Variants in GRAMD1C observed in about 807,000 individuals in gnomAD.
GRAMD1C encodes GRAM domain containing 1C.
In GRAMD1C, 89 loss-of-function variants were observed where a neutral mutation model predicts 97.8. The observed-to-expected ratio is 0.91, with a 90% confidence interval of 0.77 to 1.09. GRAMD1C has a LOEUF of 1.09. GRAMD1C is among the 50% of genes least tolerant of loss of function. The pLI, the probability that GRAMD1C is intolerant of heterozygous loss-of-function variation, is 0.00. For synonymous variants in GRAMD1C, 256 were observed against 267.0 expected (o/e 0.96, Z 0.40); for missense variants, 740 against 766.4 (o/e 0.97, Z 0.41).
intron 2 of GRAMD1C, among the ~76,000 whole-genome samples, chr3:113,860,045 G>A (rs923620989): frequency 1.3e-5 from 2 of 151,350 alleles, no homozygotes; most frequent in African/African-American, 4.9e-5. Flanking sequence ...TTTTTGACAT[G>A]GAGGCTTGCT....
At chr3:113,897,267 A>C (rs1408496687) in intron 6 of GRAMD1C, among the ~76,000 whole-genome samples, 1 of 152,186 alleles carries the variant, frequency 6.6e-6, no homozygotes, top group Non-Finnish European at 1.5e-5. Context: ...GGAGAAGAAA[A>C]ATTAACCTGT....
intron 10 of GRAMD1C, chr3:113,920,290 G>T: frequency 2.0e-6 from 1 of 510,538 alleles, no homozygotes; most frequent in Non-Finnish European, 3.4e-6. Context: ...AGCTGTAGAG[G>T]GGAGAAAGAG....
At chr3:113,846,356 T>A (rs1021997271) in intron 2 of GRAMD1C, among the ~76,000 whole-genome samples, 7 of 152,166 alleles carry the variant, frequency 4.6e-5, no homozygotes, top group Non-Finnish European at 1.0e-4. Context: ...TCCGCCCGCC[T>A]CGGCCTCCCA....
intron 6 of GRAMD1C, chr3:113,890,834 A>T (rs1475250650): frequency 7.6e-6 from 5 of 662,030 alleles, no homozygotes; most frequent in Non-Finnish European, 1.4e-5. Flanking sequence ...AGATGAGCCA[A>T]GGGAGAAACT....
chr3:113,901,168 T>A, intron 7 of GRAMD1C, 22 bp downstream of exon 7: 1 of 1,169,830 alleles, frequency 8.5e-7, no homozygotes, highest in Non-Finnish European at 1.3e-6. Flanking sequence ...TGTTTTGAAA[T>A]GTCAAAATTT....
chr3:113,932,823 A>AGC (rs1408852303), intron 11 of GRAMD1C, among the ~76,000 whole-genome samples: 1 of 151,414 alleles, frequency 6.6e-6, no homozygotes, highest in African/African-American at 2.4e-5. Flanking sequence ...TTCCCACCTC[A>AGC]TTCTCCCAAG....
chr3:113,918,055 C>A (rs112695356), intron 10 of GRAMD1C, among the ~76,000 whole-genome samples: 1 of 151,850 alleles, frequency 6.6e-6, no homozygotes, highest in Non-Finnish European at 1.5e-5. Flanking sequence ...TACTAGGAAC[C>A]AAAATCAATT....
upstream of GRAMD1C, among the ~76,000 whole-genome samples, chr3:113,833,892 C>A (rs1192415179): frequency 6.6e-6 from 1 of 152,116 alleles, no homozygotes; most frequent in Non-Finnish European, 1.5e-5. Flanking sequence ...CTGCCATTTT[C>A]GTTGATGTTG....
intron 2 of GRAMD1C, among the ~76,000 whole-genome samples, chr3:113,855,434 T>A (rs1934082630): frequency 6.6e-6 from 1 of 152,194 alleles, no homozygotes; most frequent in South Asian, 2.1e-4. Context: ...CCGGCCACAG[T>A]GGCTCATGCC....
chr3:113,897,895 G>A, intron 6 of GRAMD1C: 1 of 224,270 alleles, frequency 4.5e-6, no homozygotes, highest in Non-Finnish European at 7.5e-6. Flanking sequence ...ATTATTGAAA[G>A]AATTATGAAT....
chr3:113,860,124 C>T (rs933162750), intron 2 of GRAMD1C, among the ~76,000 whole-genome samples: 16 of 152,052 alleles, frequency 1.1e-4, no homozygotes, highest in African/African-American at 2.9e-4. Context: ...TGGGTTCAAG[C>T]GATTCTCCTG....
At chr3:113,907,804 A>C (rs140560492) in intron 8 of GRAMD1C, among the ~76,000 whole-genome samples, 2 of 152,202 alleles carry the variant, frequency 1.3e-5, no homozygotes, top group African/African-American at 4.8e-5. Flanking sequence ...TATTCTTTAT[A>C]GTAGGAAATA....
At chr3:113,879,886 G>T (rs1935196495) in intron 5 of GRAMD1C, among the ~76,000 whole-genome samples, 1 of 151,908 alleles carries the variant, frequency 6.6e-6, no homozygotes, top group African/African-American at 2.4e-5. Context: ...TAGAGACGGG[G>T]TTTCACCATG....
chr3:113,868,235 A>G (rs1471737468), intron 2 of GRAMD1C, among the ~76,000 whole-genome samples: 1 of 152,086 alleles, frequency 6.6e-6, no homozygotes, highest in Non-Finnish European at 1.5e-5. Flanking sequence ...GAACATATTT[A>G]TAATAACTGA....
At chr3:113,913,906 G>A (rs1464543620) in intron 9 of GRAMD1C, among the ~76,000 whole-genome samples, 2 of 152,220 alleles carry the variant, frequency 1.3e-5, no homozygotes, top group East Asian at 1.9e-4. Flanking sequence ...CTGGGGATGT[G>A]TGTGTGGGTT....
chr3:113,882,984 C>T (rs922089445), intron 6 of GRAMD1C, 152 bp downstream of exon 6: 3 of 463,478 alleles, frequency 6.5e-6, no homozygotes, highest in Admixed American at 7.2e-5. Context: ...TCTATAGTTA[C>T]AAGTTAAGAT....
chr3:113,833,104 C>CTTTTCT (rs201259499), intron 1 of GRAMD1C, among the ~76,000 whole-genome samples: 1 of 130,982 alleles, frequency 7.6e-6, no homozygotes, highest in Non-Finnish European at 1.6e-5. Flanking sequence ...CTTTTCTTTT[C>CTTTTCT]TTTCTTTCTT....
chr3:113,930,901 C>G, intron 11 of GRAMD1C, 69 bp downstream of exon 11: 1 of 754,964 alleles, frequency 1.3e-6, no homozygotes, highest in Non-Finnish European at 2.3e-6. Flanking sequence ...TATTATAGTT[C>G]ACCAATTTAC....
chr3:113,876,249 GA>G lies in GRAMD1C; in HGVS notation c.451del (p.Ser151ValfsTer28). On this transcript the variant is annotated frameshift_variant, in exon 5 of 18. Transcript: ENST00000358160. LOFTEE classifies it high-confidence loss of function. ...LIPNAIQIVTESEKFFFTSFG... is the reference protein window; with the variant it reads ...LIPNAIQIVTXSEKFFFTSFG... The stretch of plus-strand genomic sequence containing the variant: ...CCCAAACGCTATCCAGATAGTTACA[GA>G]AAGTGAAAAGGTGAAAACTTTCCTA... 4.4e-6 allele frequency: 7 copies of G among 1,575,046 alleles called. No homozygotes were observed. Among genetic ancestry groups the G allele is most frequent in the Non-Finnish European group, 6.1e-6 (7 of 1,145,594 alleles).
Sources: gnomAD v4.1 joint callset for allele counts (sites outside exome capture counted in the v4.1 genomes callset) on GRCh38, gnomAD v4.1.1 for gene constraint, MANE v1.5 for transcripts, NCBI Gene and HGNC (gene_info 2026-07-23, HGNC 2026-07-21) for gene names.